The following CNTNAP2 variants were observed in gnomAD, a reference collection of about 807,000 sequenced individuals.
The protein encoded by CNTNAP2 is contactin associated protein 2.
In CNTNAP2, 98 loss-of-function variants were observed where a neutral mutation model predicts 155.2. That is an observed-to-expected ratio of 0.63 (90% CI 0.54 to 0.75). The LOEUF is 0.75. Among genes scored for constraint, CNTNAP2 ranks in the 30% least tolerant of loss-of-function variants. The probability of loss-of-function intolerance (pLI) is 0.00; values close to 1 mark genes in which losing one functional copy is unlikely to be tolerated. For synonymous variants in CNTNAP2, 651 were observed against 631.2 expected (o/e 1.03, Z -0.47); for missense variants, 1,727 against 1,688.1 (o/e 1.02, Z -0.40).
At chr7:146,847,400 C>T (rs9801492) in intron 3 of CNTNAP2, among the ~76,000 whole-genome samples, 30,928 of 152,016 alleles carry the variant, frequency 0.2, 3,432 homozygotes, top group Admixed American at 0.33. Flanking sequence ...TGTATCTTCA[C>T]GCAGATTCTT....
At chr7:146,848,773 C>A (rs1381995224) in intron 3 of CNTNAP2, among the ~76,000 whole-genome samples, 1 of 152,062 alleles carries the variant, frequency 6.6e-6, no homozygotes, top group Non-Finnish European at 1.5e-5. Context: ...AAAAAGCTGA[C>A]CTTTATCTAT....
intron 2 of CNTNAP2, among the ~76,000 whole-genome samples, chr7:146,824,553 T>C (rs999631531): frequency 3.3e-5 from 5 of 152,166 alleles, no homozygotes; most frequent in African/African-American, 4.8e-5. Flanking sequence ...GTATCTGTTG[T>C]TTCCTGACTT....
At chr7:146,576,150 G>A (rs1798520780) in intron 1 of CNTNAP2, among the ~76,000 whole-genome samples, 1 of 152,148 alleles carries the variant, frequency 6.6e-6, no homozygotes, top group South Asian at 2.1e-4. Context: ...CCAGAAGTGA[G>A]ATCATGAATG....
At chr7:148,003,791 T>C (rs987702206) in intron 15 of CNTNAP2, among the ~76,000 whole-genome samples, 1 of 152,232 alleles carries the variant, frequency 6.6e-6, no homozygotes, top group Non-Finnish European at 1.5e-5. Flanking sequence ...ATTTCATTCT[T>C]AGGGGTTTCA....
chr7:146,629,013 A>C (rs1464883157), intron 1 of CNTNAP2, among the ~76,000 whole-genome samples: 1 of 152,176 alleles, frequency 6.6e-6, no homozygotes, highest in Non-Finnish European at 1.5e-5. Context: ...TTTATCTACC[A>C]AAATAATCTT....
intron 8 of CNTNAP2, among the ~76,000 whole-genome samples, chr7:147,262,731 G>A (rs1210366874): frequency 6.6e-6 from 1 of 152,134 alleles, no homozygotes; most frequent in Non-Finnish European, 1.5e-5. Flanking sequence ...GCATGAACCC[G>A]GGAGGCGGAG....
chr7:148,302,616 G>A (rs1474066779), intron 21 of CNTNAP2, among the ~76,000 whole-genome samples: 3 of 152,026 alleles, frequency 2.0e-5, no homozygotes, highest in South Asian at 4.2e-4. Flanking sequence ...TTTGCCCCGC[G>A]CTGTTCTCAG....
intron 1 of CNTNAP2, among the ~76,000 whole-genome samples, chr7:146,519,550 G>C (rs1289396062): frequency 6.6e-6 from 1 of 151,896 alleles, no homozygotes; most frequent in African/African-American, 2.4e-5. Flanking sequence ...ATTTTTCACA[G>C]TATAACTCAG....
At chr7:148,252,052 C>A (rs754498477) in intron 20 of CNTNAP2, among the ~76,000 whole-genome samples, 1 of 152,226 alleles carries the variant, frequency 6.6e-6, no homozygotes, top group Non-Finnish European at 1.5e-5. Flanking sequence ...AATACACATT[C>A]TCCTATACAT....
chr7:148,062,107 G>T (rs1803168575), intron 15 of CNTNAP2, among the ~76,000 whole-genome samples: 1 of 144,300 alleles, frequency 6.9e-6, no homozygotes. Flanking sequence ...AAATATACTA[G>T]CTAAAAGATC....
At chr7:148,046,191 C>A (rs1381234362) in intron 15 of CNTNAP2, among the ~76,000 whole-genome samples, 2 of 152,086 alleles carry the variant, frequency 1.3e-5, no homozygotes, top group African/African-American at 4.8e-5. Flanking sequence ...AGTAGTCCTC[C>A]CATTTCAGCC....
chr7:147,783,482 T>G (rs189324291), intron 13 of CNTNAP2, among the ~76,000 whole-genome samples: 287 of 152,320 alleles, frequency 1.9e-3, no homozygotes, highest in Middle Eastern at 6.8e-3. Context: ...GTGCTTATAT[T>G]AGTTTTCTAG....
chr7:146,932,191 A>T (rs1453282518), intron 3 of CNTNAP2, among the ~76,000 whole-genome samples: 1 of 152,256 alleles, frequency 6.6e-6, no homozygotes, highest in Non-Finnish European at 1.5e-5. Context: ...ATCCTCAAAA[A>T]AATATTGGCA....
At chr7:148,371,472 T>C (rs1307031286) in intron 21 of CNTNAP2, among the ~76,000 whole-genome samples, 1 of 152,222 alleles carries the variant, frequency 6.6e-6, no homozygotes, top group South Asian at 2.1e-4. Flanking sequence ...CATCCCTTTT[T>C]ACTAAATGCC....
intron 2 of CNTNAP2, among the ~76,000 whole-genome samples, chr7:146,782,546 C>T (rs1307850418): frequency 6.6e-6 from 1 of 152,008 alleles, no homozygotes; most frequent in Admixed American, 6.6e-5. Flanking sequence ...ATCTTGGTTT[C>T]CTGATTTCTA....
At chr7:147,812,440 G>A (rs534308094) in intron 13 of CNTNAP2, among the ~76,000 whole-genome samples, 6 of 151,710 alleles carry the variant, frequency 4.0e-5, no homozygotes, top group South Asian at 2.1e-4. Context: ...CAGGTCAGCC[G>A]GAGATGTTTA....
chr7:147,405,992 G>C (rs1329135957), intron 10 of CNTNAP2, among the ~76,000 whole-genome samples: 1 of 152,190 alleles, frequency 6.6e-6, no homozygotes, highest in Non-Finnish European at 1.5e-5. Flanking sequence ...ACGAGTCATT[G>C]AGGTGACATA....
intron 3 of CNTNAP2, among the ~76,000 whole-genome samples, chr7:146,933,406 A>T (rs75606914): frequency 0.96 from 144,742 of 150,534 alleles, 69,622 homozygotes; most frequent in East Asian, 1. Context: ...TGAAACTGGA[A>T]CCCTTCCTTA....
chr7:147,691,389 CTTAT>C (rs1416145790), intron 13 of CNTNAP2, among the ~76,000 whole-genome samples: 2 of 152,114 alleles, frequency 1.3e-5, no homozygotes, highest in African/African-American at 4.8e-5. Context: ...CCCTGTGTGG[CTTAT>C]TTAAAGCTTC....
Sources: gnomAD v4.1 joint callset for allele counts (sites outside exome capture counted in the v4.1 genomes callset) on GRCh38, gnomAD v4.1.1 for gene constraint, MANE v1.5 for transcripts, NCBI Gene and HGNC (gene_info 2026-07-23, HGNC 2026-07-21) for gene names.